MAP3K2: variants seen among roughly 807,000 people sequenced by gnomAD.
MAP3K2 encodes mitogen-activated protein kinase kinase kinase 2.
MAP3K2 carries 24 observed loss-of-function variants against 80.3 expected under a neutral mutation model. The observed-to-expected ratio is 0.30, with a 90% confidence interval of 0.22 to 0.42. MAP3K2 has a LOEUF of 0.42. Ranked by LOEUF, MAP3K2 falls within the 10% of genes least tolerant of loss-of-function variation. The pLI is 1.00. For synonymous variants in MAP3K2, 244 were observed against 253.7 expected, an observed-to-expected ratio of 0.96 and a Z score of 0.36; for missense variants, 608 against 750.1, an observed-to-expected ratio of 0.81 and a Z score of 2.21.
chr2:127,376,326 G>T (rs572622816), intron 1 of MAP3K2, among the ~76,000 whole-genome samples: 3 of 151,828 alleles, frequency 2.0e-5, no homozygotes, highest in East Asian at 1.9e-4. Context: ...GGGTGGGAAG[G>T]GGGGGAGCGC....
chr2:127,371,620 G>A (rs1687066457), intron 1 of MAP3K2, among the ~76,000 whole-genome samples: 1 of 152,142 alleles, frequency 6.6e-6, no homozygotes, highest in African/African-American at 2.4e-5. Flanking sequence ...CCACAGTCAG[G>A]GAACTTACAC....
At chr2:127,343,914 G>C (rs1031656817) in intron 1 of MAP3K2, among the ~76,000 whole-genome samples, 5 of 152,070 alleles carry the variant, frequency 3.3e-5, no homozygotes, top group African/African-American at 1.2e-4. Context: ...CAGCTACTTG[G>C]GAGGCTTGAG....
At chr2:127,363,295 T>C (rs1254941381) in intron 1 of MAP3K2, among the ~76,000 whole-genome samples, 2 of 152,214 alleles carry the variant, frequency 1.3e-5, no homozygotes, top group Non-Finnish European at 2.9e-5. Context: ...TGTGCCAATA[T>C]GCTCTCCTCA....
rs1250645603 is a variant in MAP3K2, at chr2:127,339,834, A to T, written c.5-784T>A. 6.6e-6 allele frequency among the ~76,000 whole-genome samples: 1 copy of T among 152,226 alleles called. No homozygotes were observed. The highest frequency in any genetic ancestry group is 1.5e-5 in the Non-Finnish European group (1 of 68,036). On this transcript the variant is annotated intron_variant, in intron 2 of 16. Transcript: ENST00000682094. The surrounding 1 kb of genome is among the most constrained non-coding windows in gnomAD (Gnocchi z 4.2). The stretch of plus-strand genomic sequence containing the variant: ...ACAACTTAATTTATTTTCACTAGTA[A>T]ATCAATTCTACTAATGATAATCACA...
chr2:127,354,126 G>A (rs1196326705), intron 1 of MAP3K2, among the ~76,000 whole-genome samples: 1 of 151,420 alleles, frequency 6.6e-6, no homozygotes, highest in Non-Finnish European at 1.5e-5. Flanking sequence ...AGGGTCCTCT[G>A]CCTAGGAAAA....
intron 1 of MAP3K2, among the ~76,000 whole-genome samples, chr2:127,374,680 A>G (rs1299154753): frequency 6.6e-6 from 1 of 152,208 alleles, no homozygotes; most frequent in Non-Finnish European, 1.5e-5. Flanking sequence ...TTCTCATTTA[A>G]TTAGTACTCA....
intron 5 of MAP3K2, 52 bp downstream of exon 5, chr2:127,335,818 A>G (rs1027259769): frequency 1.0e-6 from 1 of 976,890 alleles, no homozygotes; most frequent in Non-Finnish European, 1.6e-6. Context: ...TCTTAAACGA[A>G]CACATTACTT....
chr2:127,317,336 G>A (rs1685927433), intron 14 of MAP3K2, among the ~76,000 whole-genome samples: 1 of 152,090 alleles, frequency 6.6e-6, no homozygotes, highest in Non-Finnish European at 1.5e-5. Flanking sequence ...GTATAGACTG[G>A]AACTTGGTGT....
chr2:127,319,910 G>C (rs1403008333), intron 12 of MAP3K2, among the ~76,000 whole-genome samples: 1 of 150,568 alleles, frequency 6.6e-6, no homozygotes, highest in Non-Finnish European at 1.5e-5. Context: ...ACCAGCACAA[G>C]GTAATTAGAA....
At chr2:127,326,601 A>C in intron 8 of MAP3K2, 86 bp downstream of exon 8, 1 of 949,346 alleles carries the variant, frequency 1.1e-6, no homozygotes, top group Non-Finnish European at 1.5e-6. Flanking sequence ...GAGATAATAC[A>C]CACACACACC....
Position 127,322,739 on chromosome 2 carries a change from G to A in MAP3K2, c.839-487C>T, listed in dbSNP as rs1292695379. 2.0e-5 allele frequency among the ~76,000 whole-genome samples: 3 copies of A among 151,526 alleles called. No individual in the cohort carries two copies. Among genetic ancestry groups the A allele is most frequent in the Non-Finnish European group, 2.9e-5 (2 of 67,842 alleles). On this transcript the variant is annotated intron_variant, in intron 11 of 16. Coordinates refer to ENST00000682094, the MANE Select transcript of MAP3K2 (RefSeq NM_001371910.2). This position sits in a 1 kb window ranked among gnomAD's most constrained non-coding sequence, Gnocchi z 4.2. ...CTCCCAAGTAGCTGGGATTACAGGCGCCCACCACCATGCCCAGCTAATTTT... is the reference window on the plus strand; with the variant it reads ...CTCCCAAGTAGCTGGGATTACAGGCACCCACCACCATGCCCAGCTAATTTT...
At chr2:127,349,441 C>T (rs1001752993) in intron 1 of MAP3K2, among the ~76,000 whole-genome samples, 2 of 152,122 alleles carry the variant, frequency 1.3e-5, no homozygotes, top group Admixed American at 6.5e-5. Flanking sequence ...GTTGGGATTA[C>T]AGGCCATCCA....
At chr2:127,354,994 AATG>A (rs1253000893) in intron 1 of MAP3K2, among the ~76,000 whole-genome samples, 1 of 152,148 alleles carries the variant, frequency 6.6e-6, no homozygotes, top group Admixed American at 6.5e-5. Context: ...TAAACACAAT[AATG>A]ATGACAAAAA....
rs978071381 is a variant in MAP3K2, at chr2:127,310,322, C to A, written c.1457-1560G>T. 6.6e-6 allele frequency among the ~76,000 whole-genome samples: 1 copy of A among 151,870 alleles called. No homozygotes were observed. Among genetic ancestry groups the A allele is most frequent in the Non-Finnish European group, 1.5e-5 (1 of 67,972 alleles). ...TAGAATCAGCCATTTCTCAAGGAGG[C>A]CTGGTTCCTTTTAGTGGAGAATGGT... On this transcript the variant is annotated intron_variant, in intron 15 of 16. Coordinates refer to ENST00000682094, the MANE Select transcript of MAP3K2 (RefSeq NM_001371910.2). The surrounding 1 kb of genome is among the most constrained non-coding windows in gnomAD (Gnocchi z 4.8).
rs1466690149 is a variant in MAP3K2, at chr2:127,299,559, A to G, written c.*8020T>C. The G allele has an allele frequency of 6.6e-6, 1 of 152,180 alleles. No homozygotes were observed. Among genetic ancestry groups the G allele is most frequent in the Non-Finnish European group, 1.5e-5 (1 of 67,998 alleles). The allele number at this position is 152,180 out of a possible 1,614,324, so 9.4% of individuals were successfully genotyped here. A position where few individuals can be genotyped will look rare whatever the true frequency, so the allele number is the denominator to read the frequency against. On this transcript the variant is annotated 3_prime_UTR_variant, in exon 17 of 17. Coordinates refer to ENST00000682094, the MANE Select transcript of MAP3K2 (RefSeq NM_001371910.2). ...ACAATTTAGTTTCTCACATTTTTCC[A>G]TAGCTCTGAGAATTCAAAGGCCATT... is the stretch of plus-strand genomic sequence containing the variant.
At chr2:127,353,860 A>T (rs1179849947) in intron 1 of MAP3K2, among the ~76,000 whole-genome samples, 6 of 151,978 alleles carry the variant, frequency 3.9e-5, no homozygotes, top group Non-Finnish European at 8.8e-5. Flanking sequence ...GTGTAGAAAG[A>T]AGTAGACATG....
At chr2:127,329,799 T>C in intron 7 of MAP3K2, 122 bp downstream of exon 7, 1 of 612,824 alleles carries the variant, frequency 1.6e-6, no homozygotes, top group Non-Finnish European at 2.8e-6. Context: ...TAAATTAAAT[T>C]ATAGGAAGTA....
chr2:127,358,655 G>C (rs1201162446), intron 1 of MAP3K2, among the ~76,000 whole-genome samples: 1 of 152,184 alleles, frequency 6.6e-6, no homozygotes, highest in Non-Finnish European at 1.5e-5. Context: ...ATCTGAGGCT[G>C]GGCACAGTAA....
chr2:127,387,000 A>G (rs562512039), intron 1 of MAP3K2, among the ~76,000 whole-genome samples: 1 of 152,210 alleles, frequency 6.6e-6, no homozygotes, highest in Non-Finnish European at 1.5e-5. Context: ...GAGATAATGC[A>G]TGACAACTGC....
Sources: gnomAD v4.1 joint callset for allele counts (sites outside exome capture counted in the v4.1 genomes callset) on GRCh38, gnomAD v4.1.1 for gene constraint, Gnocchi (gnomAD v3.1) non-coding constraint, MANE v1.5 for transcripts, NCBI Gene and HGNC (gene_info 2026-07-23, HGNC 2026-07-21) for gene names.